The following LPGAT1 variants were observed in gnomAD, a reference collection of about 807,000 sequenced individuals.
The protein encoded by LPGAT1 is acyl-CoA:lysophosphatidylglycerol acyltransferase 1.
Under a neutral mutation model 47.5 loss-of-function variants are expected in LPGAT1, and 11 were observed. The observed-to-expected ratio is 0.23, with a 90% CI of 0.15 to 0.38. LPGAT1 has a LOEUF of 0.38. Ranked by LOEUF, LPGAT1 falls within the 10% of genes least tolerant of loss-of-function variation. The pLI is 1.00. For synonymous variants in LPGAT1, 138 were observed against 144.2 expected (o/e 0.96, Z 0.31); for missense variants, 293 against 439.0 (o/e 0.67, Z 2.97).
At position 211,748,974 on chromosome 1, in the gene LPGAT1, T is replaced by C. The variant is rs1404423825; in HGVS notation, c.*925A>G. On this transcript the variant is annotated 3_prime_UTR_variant, in exon 8 of 8. Coordinates refer to ENST00000366997, the MANE Select transcript of LPGAT1 (RefSeq NM_014873.3). The stretch of plus-strand genomic sequence containing the variant: ...AATGCATTTAGTGCCAATGTCAAAA[T>C]GGAAAAAATAAAGCCTCTGAGCTGC... The C allele has an allele frequency of 6.6e-6, 1 of 152,308 alleles. No individual in the cohort carries two copies. The highest frequency in any genetic ancestry group is 1.5e-5 in the Non-Finnish European group (1 of 68,026). The allele number at this position is 152,308 out of a possible 1,614,324, so 9.4% of individuals were successfully genotyped here. A position where few individuals can be genotyped will look rare whatever the true frequency, so the allele number is the denominator to read the frequency against.
intron 4 of LPGAT1, among the ~76,000 whole-genome samples, chr1:211,787,351 G>A (rs192545028): frequency 7.9e-5 from 12 of 152,118 alleles, no homozygotes; most frequent in East Asian, 1.9e-4. Context: ...TTAGCTGGGC[G>A]TAGTGGCATG....
chr1:211,775,794 G>A (rs1034118931), intron 6 of LPGAT1, among the ~76,000 whole-genome samples: 1 of 152,066 alleles, frequency 6.6e-6, no homozygotes, highest in African/African-American at 2.4e-5. Flanking sequence ...CGGGCATGGT[G>A]GTGCATGCCT....
In LPGAT1 at chr1:211,814,801, C is replaced by T. The variant is rs374904800; in HGVS notation, c.238+14258G>A. Among the ~76,000 whole-genome samples the T allele has an allele frequency of 7.9e-5, 12 of 152,318 alleles. No individual in the cohort carries two copies. The East Asian group carries it at 9.6e-4, about 12-fold the overall frequency. On this transcript the variant is annotated intron_variant, in intron 2 of 7. Coordinates refer to ENST00000366997, the MANE Select transcript of LPGAT1 (RefSeq NM_014873.3). ...TTCTTGTTTCCATTTTGTCCTCTCC[C>T]ATTCATCATTCATCTTCGACCCACT... is the stretch of plus-strand genomic sequence containing the variant.
At chr1:211,755,031 C>A (rs1341868636) in intron 6 of LPGAT1, among the ~76,000 whole-genome samples, 6 of 125,624 alleles carry the variant, frequency 4.8e-5, no homozygotes, top group Non-Finnish European at 8.0e-5. Flanking sequence ...CAGAGCAAGA[C>A]TCCGTCTCCA....
At chr1:211,810,143 G>T (rs2102585761) in intron 2 of LPGAT1, among the ~76,000 whole-genome samples, 1 of 152,164 alleles carries the variant, frequency 6.6e-6, no homozygotes, top group African/African-American at 2.4e-5. Context: ...GAAAAACACA[G>T]ATGGTAAATA....
chr1:211,817,212 G>A (rs1267505724), intron 2 of LPGAT1, among the ~76,000 whole-genome samples: 2 of 152,138 alleles, frequency 1.3e-5, no homozygotes, highest in Non-Finnish European at 2.9e-5. Context: ...ATTGATCTCT[G>A]TTTTTCAAAA....
chr1:211,806,048 T>C (rs1659744764), intron 2 of LPGAT1, among the ~76,000 whole-genome samples: 2 of 152,042 alleles, frequency 1.3e-5, no homozygotes, highest in Non-Finnish European at 2.9e-5. Flanking sequence ...TCACTTGAGG[T>C]CATAAGTTCG....
At chr1:211,784,125 G>A (rs1658750250) in intron 4 of LPGAT1, among the ~76,000 whole-genome samples, 1 of 152,172 alleles carries the variant, frequency 6.6e-6, no homozygotes, top group Admixed American at 6.5e-5. Context: ...GGCCAGTGTG[G>A]CTGAAGTGTG....
chr1:211,751,192 G>A (rs1657163951), intron 6 of LPGAT1, 125 bp from the exon 7 acceptor site: 3 of 617,786 alleles, frequency 4.9e-6, no homozygotes, highest in East Asian at 5.7e-5. Flanking sequence ...AACAAGGGTT[G>A]GTTTCTTCAG....
intron 2 of LPGAT1, among the ~76,000 whole-genome samples, chr1:211,828,192 G>A (rs541681276): frequency 2.0e-5 from 3 of 152,258 alleles, no homozygotes; most frequent in African/African-American, 7.2e-5. Flanking sequence ...CTATCAGGTA[G>A]GAATTTCTGT....
chr1:211,816,035 C>A (rs1046461336), intron 2 of LPGAT1, among the ~76,000 whole-genome samples: 9 of 152,086 alleles, frequency 5.9e-5, no homozygotes, highest in Admixed American at 1.3e-4. Flanking sequence ...CCCGACTCGG[C>A]CTCCCAAAGT....
In LPGAT1 at chr1:211,787,860, T is replaced by C. The variant is rs1020535694; in HGVS notation, c.358-133A>G. On this transcript the variant is annotated intron_variant, in intron 3 of 7. Transcript: ENST00000366997. ...CCAAAATATCTTAAGTCTAACTCTA[T>C]TTCTACAAACAAAGCACAGTTACTA... 3 of 548,770 alleles carry C rather than the reference T, an allele frequency of 5.5e-6. No individual in the cohort carries two copies. The Admixed American group carries it at 1.1e-4, about 20-fold the overall frequency. 34.0% of individuals were successfully genotyped at this position (548,770 alleles called of 1,614,324 possible).
At chr1:211,756,888 T>C (rs564306762) in intron 6 of LPGAT1, among the ~76,000 whole-genome samples, 41 of 151,168 alleles carry the variant, frequency 2.7e-4, no homozygotes, top group Admixed American at 8.6e-4. Context: ...TTTTTTTTTT[T>C]CCACACATGG....
At chr1:211,806,719 G>A (rs1430768638) in intron 2 of LPGAT1, among the ~76,000 whole-genome samples, 2 of 152,046 alleles carry the variant, frequency 1.3e-5, no homozygotes, top group Admixed American at 6.6e-5. Context: ...ATGAATTGAC[G>A]CAGAAAAAGC....
chr1:211,824,200 C>T (rs1203298843), intron 2 of LPGAT1, among the ~76,000 whole-genome samples: 1 of 152,074 alleles, frequency 6.6e-6, no homozygotes, highest in African/African-American at 2.4e-5. Flanking sequence ...AGTTCAAGAC[C>T]AGCCTGGCCA....
chr1:211,778,788 A>G, intron 6 of LPGAT1, 130 bp downstream of exon 6: 1 of 655,440 alleles, frequency 1.5e-6, no homozygotes, highest in Non-Finnish European at 2.4e-6. Context: ...TTAATATTAA[A>G]AATGCAGCAT....
chr1:211,800,474 A>G (rs2102568596), intron 2 of LPGAT1, among the ~76,000 whole-genome samples: 1 of 152,250 alleles, frequency 6.6e-6, no homozygotes, highest in African/African-American at 2.4e-5. Context: ...AATCAGAAAC[A>G]CCACTGTCAA....
At chr1:211,816,047 C>T (rs892398101) in intron 2 of LPGAT1, among the ~76,000 whole-genome samples, 5 of 152,084 alleles carry the variant, frequency 3.3e-5, no homozygotes, top group African/African-American at 7.2e-5. Flanking sequence ...TCCCAAAGTG[C>T]TGGGATTACA....
Position 211,830,022 on chromosome 1 carries a change from A to G in LPGAT1, c.-28+551T>C. ...AGAGGTAAAAGCCAAGGAACTGGGG[A>G]TGAAGAGAATGAGATTTCCGACCAG... On this transcript the variant is annotated intron_variant, in intron 1 of 7. Transcript: ENST00000366997. The surrounding 1 kb of genome is among the most constrained non-coding windows in gnomAD (Gnocchi z 5.9). 1.0e-6 allele frequency: 1 copy of G among 985,822 alleles called. No homozygotes were observed. Among genetic ancestry groups the G allele is most frequent in the Non-Finnish European group, 1.2e-6 (1 of 830,340 alleles). 61.1% of individuals were successfully genotyped at this position (985,822 alleles called of 1,614,324 possible).
Sources: gnomAD v4.1 joint callset for allele counts (sites outside exome capture counted in the v4.1 genomes callset) on GRCh38, gnomAD v4.1.1 for gene constraint, Gnocchi (gnomAD v3.1) non-coding constraint, MANE v1.5 for transcripts, NCBI Gene and HGNC (gene_info 2026-07-23, HGNC 2026-07-21) for gene names.